Variants in CLASP1 observed in about 807,000 individuals in gnomAD.
The protein encoded by CLASP1 is CLIP-associating protein 1.
CLASP1 carries 38 observed loss-of-function variants against 192.3 expected under a neutral mutation model. The observed-to-expected ratio is 0.20, with a 90% CI of 0.15 to 0.26. CLASP1 has a LOEUF of 0.26. Among genes scored for constraint, CLASP1 ranks in the 10% least tolerant of loss-of-function variants. The pLI is 1.00. For missense variants in CLASP1, 1,433 were observed against 1,932.5 expected, an observed-to-expected ratio of 0.74 and a Z score of 4.85; for synonymous variants, 691 against 712.8, an observed-to-expected ratio of 0.97 and a Z score of 0.49.
At chr2:121,563,826 C>G (rs1309550906) in intron 2 of CLASP1, among the ~76,000 whole-genome samples, 2 of 152,170 alleles carry the variant, frequency 1.3e-5, no homozygotes, top group Non-Finnish European at 2.9e-5. Flanking sequence ...TGTTTTCATG[C>G]TGCTGATAAA....
chr2:121,437,851 A>AG (rs1247168461), intron 19 of CLASP1, among the ~76,000 whole-genome samples: 2 of 152,162 alleles, frequency 1.3e-5, no homozygotes, highest in Non-Finnish European at 2.9e-5. Flanking sequence ...CTGACATACC[A>AG]GGGCTCCTGC....
chr2:121,360,065 A>G (rs1216494137), intron 37 of CLASP1, among the ~76,000 whole-genome samples: 1 of 152,232 alleles, frequency 6.6e-6, no homozygotes, highest in Non-Finnish European at 1.5e-5. Context: ...TATTTCAAGA[A>G]GCTGTCCTTC....
At chr2:121,448,475 T>C in intron 17 of CLASP1, 150 bp from the exon 18 acceptor site, 5 of 697,400 alleles carry the variant, frequency 7.2e-6, no homozygotes, top group Non-Finnish European at 1.2e-5. Flanking sequence ...GTAAACTCCC[T>C]GATTCCCAAC....
intron 8 of CLASP1, among the ~76,000 whole-genome samples, chr2:121,478,843 A>ACACCACACAC (rs1559368126): frequency 2.1e-5 from 1 of 47,782 alleles, no homozygotes; most frequent in African/African-American, 1.2e-4. Context: ...CACACCACAC[A>ACACCACACAC]CACACCACAC....
chr2:121,637,992 A>C (rs2071224647), intron 1 of CLASP1, among the ~76,000 whole-genome samples: 1 of 152,194 alleles, frequency 6.6e-6, no homozygotes, highest in Non-Finnish European at 1.5e-5. Context: ...ACAAGCAACA[A>C]AAGAGGACAT....
intron 37 of CLASP1, among the ~76,000 whole-genome samples, chr2:121,350,043 T>C (rs1408619364): frequency 6.6e-6 from 1 of 152,218 alleles, no homozygotes; most frequent in Non-Finnish European, 1.5e-5. Flanking sequence ...ACACATTATA[T>C]AAATGACAGA....
intron 14 of CLASP1, among the ~76,000 whole-genome samples, chr2:121,456,581 GGGAAAGGAAGAAAA>G (rs2086719379): frequency 6.6e-6 from 1 of 151,312 alleles, no homozygotes; most frequent in African/African-American, 2.4e-5. Context: ...GGAAACAGAA[GGGAAAGGAAGAAAA>G]GGAAAGGAAA....
intron 18 of CLASP1, 139 bp from the exon 19 acceptor site, chr2:121,447,646 CAGTT>C: frequency 1.4e-6 from 1 of 727,938 alleles, no homozygotes; most frequent in Non-Finnish European, 2.2e-6. Flanking sequence ...AACTGACAAA[CAGTT>C]TCTCCTGGTC....
At chr2:121,574,771 T>C (rs2060336241) in intron 2 of CLASP1, among the ~76,000 whole-genome samples, 1 of 151,690 alleles carries the variant, frequency 6.6e-6, no homozygotes, top group Non-Finnish European at 1.5e-5. Context: ...ACCCTGTCTC[T>C]ACTAGAAATA....
At chr2:121,466,824 C>T (rs1276836688) in intron 9 of CLASP1, among the ~76,000 whole-genome samples, 3 of 152,178 alleles carry the variant, frequency 2.0e-5, no homozygotes, top group African/African-American at 7.2e-5. Flanking sequence ...TTATTCCCAA[C>T]TTTTAAGTTC....
intron 1 of CLASP1, among the ~76,000 whole-genome samples, chr2:121,639,390 C>A (rs2071579882): frequency 6.6e-6 from 1 of 152,002 alleles, no homozygotes; most frequent in Non-Finnish European, 1.5e-5. Flanking sequence ...ATAGGCAAAT[C>A]CATTGAGTCA....
chr2:121,443,462 G>A (rs181636255), intron 19 of CLASP1, among the ~76,000 whole-genome samples: 2 of 152,172 alleles, frequency 1.3e-5, no homozygotes, highest in African/African-American at 4.8e-5. Context: ...TCCCAGTAAG[G>A]CTGAGAAAAC....
chr2:121,397,203 T>C (rs1461595126), exon 30 of CLASP1: 1 of 1,613,858 alleles, frequency 6.2e-7, no homozygotes, highest in Non-Finnish European at 8.5e-7. Context: ...CAGCAAGCCT[T>C]GTCTCACTAG....
intron 5 of CLASP1, among the ~76,000 whole-genome samples, chr2:121,526,473 T>C (rs1317864266): frequency 6.6e-6 from 1 of 152,222 alleles, no homozygotes; most frequent in Non-Finnish European, 1.5e-5. Context: ...CAAATAGCCT[T>C]TGTGAATAAA....
At chr2:121,519,289 T>C (rs571852153) in intron 6 of CLASP1, among the ~76,000 whole-genome samples, 1 of 152,188 alleles carries the variant, frequency 6.6e-6, no homozygotes, top group South Asian at 2.1e-4. Flanking sequence ...TAGGTGAAAA[T>C]GAACTGAAAC....
intron 34 of CLASP1, among the ~76,000 whole-genome samples, chr2:121,375,054 C>A (rs1366381891): frequency 6.6e-6 from 1 of 152,068 alleles, no homozygotes; most frequent in Non-Finnish European, 1.5e-5. Flanking sequence ...GTGTCCCCAC[C>A]CAAATCTCAT....
intron 39 of CLASP1, among the ~76,000 whole-genome samples, chr2:121,343,404 A>T (rs911953331): frequency 1.4e-4 from 22 of 152,090 alleles, no homozygotes; most frequent in African/African-American, 5.3e-4. Context: ...CAAGAGCCAG[A>T]AGGTGGAAGC....
chr2:121,455,833 G>GC (rs1464658021), intron 14 of CLASP1, among the ~76,000 whole-genome samples: 1 of 152,088 alleles, frequency 6.6e-6, no homozygotes, highest in African/African-American at 2.4e-5. Context: ...CTGCACTCTA[G>GC]CCTGGGTGAC....
At chr2:121,401,369 T>C (rs2076137395) in intron 28 of CLASP1, 140 bp downstream of exon 29, 3 of 617,054 alleles carry the variant, frequency 4.9e-6, no homozygotes, top group African/African-American at 1.8e-5. Context: ...TCAACAAGTA[T>C]GTCAACAACA....
Sources: allele counts gnomAD v4.1 joint callset (sites outside exome capture counted in the v4.1 genomes callset), GRCh38; gene constraint gnomAD v4.1.1; transcripts MANE v1.5; gene names NCBI Gene and HGNC (gene_info 2026-07-23, HGNC 2026-07-21).